The following AASS variants were observed in gnomAD, a reference collection of about 807,000 sequenced individuals.
The protein encoded by AASS is alpha-aminoadipic semialdehyde synthase, mitochondrial.
In AASS, 86 loss-of-function variants were observed where a neutral mutation model predicts 105.4. The ratio of observed to expected loss-of-function variants is 0.82; its 90% CI spans 0.69 to 0.98. AASS has a LOEUF of 0.98. Among genes scored for constraint, AASS ranks in the 50% least tolerant of loss-of-function variants. AASS has a pLI of 0.00. For synonymous variants in AASS, 381 were observed against 394.8 expected, an observed-to-expected ratio of 0.96 and a Z score of 0.41; for missense variants, 1,048 against 1,143.2, an observed-to-expected ratio of 0.92 and a Z score of 1.20.
chr7:122,123,141 T>C (rs980237281), intron 4 of AASS, among the ~76,000 whole-genome samples: 12 of 152,172 alleles, frequency 7.9e-5, no homozygotes, highest in African/African-American at 2.9e-4. Flanking sequence ...GGCAGTCTCA[T>C]GAATTTTCAT....
intron 1 of AASS, among the ~76,000 whole-genome samples, chr7:122,138,074 C>T (rs1046533095): frequency 2.0e-5 from 3 of 152,140 alleles, no homozygotes; most frequent in Admixed American, 6.6e-5. Context: ...TAACAGTCTT[C>T]CCTTTGTTAC....
intron 15 of AASS, among the ~76,000 whole-genome samples, chr7:122,094,560 A>C (rs1418657860): frequency 6.6e-6 from 1 of 152,210 alleles, no homozygotes; most frequent in Non-Finnish European, 1.5e-5. Flanking sequence ...AACAACTTAA[A>C]TATTGTCATG....
chr7:122,134,868 C>A (rs1410089518), intron 1 of AASS, among the ~76,000 whole-genome samples: 3 of 152,138 alleles, frequency 2.0e-5, no homozygotes, highest in Non-Finnish European at 4.4e-5. Flanking sequence ...AGACTTGGAA[C>A]CAACCCAAAT....
chr7:122,118,749 T>G, intron 4 of AASS, 119 bp from the exon 5 acceptor site: 1 of 1,006,778 alleles, frequency 9.9e-7, no homozygotes, highest in East Asian at 2.6e-5. Flanking sequence ...CATCTCAGAT[T>G]TAGAAGAGGC....
chr7:122,091,586 A>G, intron 18 of AASS, 117 bp downstream of exon 18: 1 of 1,438,688 alleles, frequency 7.0e-7, no homozygotes, highest in East Asian at 2.3e-5. Flanking sequence ...ACACAGGAGG[A>G]GATAATGGAG....
At chr7:122,102,126 G>C (rs1364244653) in intron 11 of AASS, among the ~76,000 whole-genome samples, 5 of 151,782 alleles carry the variant, frequency 3.3e-5, no homozygotes, top group Admixed American at 6.6e-5. Flanking sequence ...CTGCAGTAAG[G>C]GGTCTCCCTC....
In AASS at chr7:122,116,772, G is replaced by A. The variant is rs1795200250; in HGVS notation, c.767-12C>T. ...CACTTTTCTGAGGTCTTGAAAAGGA[G>A]AAAGAAATTAGTAAAGTGGGTGACA... On this transcript the variant is annotated splice_polypyrimidine_tract_variant and intron_variant, in intron 7 of 23. Coordinates refer to ENST00000417368, the MANE Select transcript of AASS (RefSeq NM_005763.4). 3 of 1,613,866 alleles carry A rather than the reference G, an allele frequency of 1.9e-6. No individual in the cohort carries two copies. The highest frequency in any genetic ancestry group is 1.3e-5 in the African/African-American group (1 of 74,906).
intron 1 of AASS, among the ~76,000 whole-genome samples, chr7:122,136,813 C>G (rs1403551606): frequency 6.6e-6 from 1 of 152,160 alleles, no homozygotes; most frequent in Non-Finnish European, 1.5e-5. Flanking sequence ...CCCTCTAGCC[C>G]AAGCTTGAAT....
chr7:122,099,726 A>G (rs1328807999), intron 13 of AASS, among the ~76,000 whole-genome samples: 1 of 151,902 alleles, frequency 6.6e-6, no homozygotes, highest in East Asian at 1.9e-4. Context: ...TCTTTAGGCC[A>G]TAATGTCTCT....
intron 1 of AASS, among the ~76,000 whole-genome samples, chr7:122,135,279 A>AAAG (rs897127280): frequency 6.6e-6 from 1 of 151,514 alleles, no homozygotes; most frequent in Non-Finnish European, 1.5e-5. Context: ...ATTAAAAAAA[A>AAAG]AAAAAGAAAA....
chr7:122,103,235 A>T (rs1262869115), intron 11 of AASS, among the ~76,000 whole-genome samples: 1 of 152,046 alleles, frequency 6.6e-6, no homozygotes, highest in Non-Finnish European at 1.5e-5. Context: ...GTTACATATA[A>T]GGGAATCTCC....
chr7:122,086,399 A>C (rs1468466196), intron 18 of AASS, among the ~76,000 whole-genome samples: 3 of 152,098 alleles, frequency 2.0e-5, no homozygotes, highest in Non-Finnish European at 4.4e-5. Flanking sequence ...TAAAACATTT[A>C]GTTTTTCTAA....
chr7:122,099,069 T>A (rs900100473), intron 13 of AASS, among the ~76,000 whole-genome samples: 1 of 151,884 alleles, frequency 6.6e-6, no homozygotes, highest in Admixed American at 6.6e-5. Context: ...TTACATTTTG[T>A]ACAATGAAGA....
Position 122,101,436 on chromosome 7 carries a change from T to A in AASS, c.1341A>T (p.Ala447=). Residue 447 remains alanine, a splice_region_variant and synonymous_variant, in exon 13 of 24, where the codon GCA becomes GCT. Coordinates refer to ENST00000417368, the MANE Select transcript of AASS (RefSeq NM_005763.4). ...SQNFSPVVRD[A]VITSNGTLPD... ...GTAATGTACCGTTGGATGTAATCAC[T>A]GCCTAAATGTATATGACACAAGACA... The A allele has an allele frequency of 1.6e-5, 25 of 1,608,594 alleles. No homozygotes were observed. Among genetic ancestry groups the A allele is most frequent in the Non-Finnish European group, 2.1e-5 (25 of 1,175,550 alleles).
At position 122,075,473 on chromosome 7, in the gene AASS, A is replaced by G. The variant is rs1249482442; in HGVS notation, c.*1016T>C. ...GACTGTCCAGTACAAGTTGAATAGAAATGGCCAAAGCAGACATCCTTGTCT... is the reference window on the plus strand; with the variant it reads ...GACTGTCCAGTACAAGTTGAATAGAGATGGCCAAAGCAGACATCCTTGTCT... On this transcript the variant is annotated 3_prime_UTR_variant, in exon 24 of 24. Transcript: ENST00000417368. Among the ~76,000 whole-genome samples the G allele has an allele frequency of 6.6e-6, 1 of 152,158 alleles. No homozygotes were observed. Among genetic ancestry groups the G allele is most frequent in the Non-Finnish European group, 1.5e-5 (1 of 68,028 alleles).
chr7:122,117,077 C>G, intron 6 of AASS, 120 bp from the exon 7 acceptor site: 3 of 878,090 alleles, frequency 3.4e-6, no homozygotes, highest in Non-Finnish European at 5.6e-6. Flanking sequence ...TCCCTACAAC[C>G]AGGACTGCAA....
In AASS at chr7:122,092,863, C is replaced by T. The variant is rs1307139922; in HGVS notation, c.1855G>A (p.Ala619Thr). ...CTCACCGTGGCTCCCACTTCCTTGG[C>T]TTTATCTATTGTTTCCATTGCTAAC... Reference protein sequence around the residue: ...HMLAMETIDKAKEVGATIESY... With the variant: ...HMLAMETIDKTKEVGATIESY... Residue 619 changes from alanine (A) to threonine (T), a missense_variant, in exon 17 of 24, where the codon GCC becomes ACC. Ala to Thr is a moderately conservative substitution (Grantham distance 58). Transcript: ENST00000417368. The T allele has an allele frequency of 2.5e-6, 4 of 1,613,812 alleles. No individual in the cohort carries two copies. Among genetic ancestry groups the T allele is most frequent in the Non-Finnish European group, 3.4e-6 (4 of 1,179,882 alleles).
chr7:122,096,821 G>A (rs1794177127), intron 15 of AASS, among the ~76,000 whole-genome samples: 1 of 151,896 alleles, frequency 6.6e-6, no homozygotes, highest in Admixed American at 6.6e-5. Flanking sequence ...TGATGTCTTT[G>A]TCCATTATCT....
chr7:122,074,406 A>G lies in AASS; in HGVS notation c.*2083T>C, dbSNP rs533017056. 6.6e-6 allele frequency among the ~76,000 whole-genome samples: 1 copy of G among 152,066 alleles called. No individual in the cohort carries two copies. Among genetic ancestry groups the G allele is most frequent in the Non-Finnish European group, 1.5e-5 (1 of 68,000 alleles). ...CCTCCCTTAACTAATACATGATTTT[A>G]AAAAAAATTATCTCATTCTGTGGGT... On this transcript the variant is annotated 3_prime_UTR_variant, in exon 24 of 24. Transcript: ENST00000417368.
Sources: gnomAD v4.1 joint callset for allele counts (sites outside exome capture counted in the v4.1 genomes callset) on GRCh38, gnomAD v4.1.1 for gene constraint, MANE v1.5 for transcripts, NCBI Gene and HGNC (gene_info 2026-07-23, HGNC 2026-07-21) for gene names.